Variants in CADM1 observed in about 807,000 individuals in gnomAD.
CADM1 encodes cell adhesion molecule 1.
CADM1 carries 15 observed loss-of-function variants against 53.1 expected under a neutral mutation model. The ratio of observed to expected loss-of-function variants is 0.28; its 90% CI spans 0.19 to 0.44. The LOEUF (loss-of-function observed/expected upper bound fraction) is 0.44. Among genes scored for constraint, CADM1 ranks in the 20% least tolerant of loss-of-function variants. CADM1 has a pLI of 1.00. For synonymous variants in CADM1, 281 were observed against 243.0 expected (o/e 1.16, Z -1.45); for missense variants, 434 against 611.3 (o/e 0.71, Z 3.06).
At chr11:115,346,026 T>C (rs1361433047) in intron 1 of CADM1, among the ~76,000 whole-genome samples, 9 of 152,184 alleles carry the variant, frequency 5.9e-5, no homozygotes, top group African/African-American at 2.2e-4. Flanking sequence ...CTGTTGATCA[T>C]CTCTACTGAA....
At chr11:115,350,446 C>T (rs1019695214) in intron 1 of CADM1, among the ~76,000 whole-genome samples, 1 of 151,268 alleles carries the variant, frequency 6.6e-6, no homozygotes, top group African/African-American at 2.4e-5. Context: ...AGAGGAGGTG[C>T]CCTGTAGAAA....
At chr11:115,425,134 C>A (rs936706432) in intron 1 of CADM1, among the ~76,000 whole-genome samples, 7 of 152,154 alleles carry the variant, frequency 4.6e-5, no homozygotes, top group Admixed American at 1.3e-4. Context: ...CGATAAATGG[C>A]TCCCTGAATG....
chr11:115,313,671 G>A (rs370325856), intron 1 of CADM1, among the ~76,000 whole-genome samples: 3 of 152,104 alleles, frequency 2.0e-5, no homozygotes, highest in South Asian at 2.1e-4. Flanking sequence ...GCATTTCCTG[G>A]TCTTCCCTGA....
intron 1 of CADM1, among the ~76,000 whole-genome samples, chr11:115,486,380 T>A (rs1949373136): frequency 6.6e-6 from 1 of 152,240 alleles, no homozygotes; most frequent in Non-Finnish European, 1.5e-5. Context: ...GAGACAGGTC[T>A]CACTCTGTTG....
At chr11:115,392,126 G>A (rs892146549) in intron 1 of CADM1, among the ~76,000 whole-genome samples, 3 of 151,928 alleles carry the variant, frequency 2.0e-5, no homozygotes, top group Admixed American at 6.6e-5. Context: ...AGTACTCCTA[G>A]TCCTTCTTAC....
intron 1 of CADM1, among the ~76,000 whole-genome samples, chr11:115,502,612 C>G (rs771282733): frequency 6.6e-6 from 1 of 151,960 alleles, no homozygotes; most frequent in African/African-American, 2.4e-5. Flanking sequence ...AAACAACATC[C>G]GGAGACAGTG....
intron 1 of CADM1, among the ~76,000 whole-genome samples, chr11:115,502,893 C>G (rs1591313009): frequency 6.6e-6 from 1 of 152,228 alleles, no homozygotes; most frequent in Non-Finnish European, 1.5e-5. Flanking sequence ...GTGGCCCCAA[C>G]GCTGTGCCCG....
At chr11:115,310,442 A>AC (rs951796499) in intron 1 of CADM1, among the ~76,000 whole-genome samples, 59 of 152,158 alleles carry the variant, frequency 3.9e-4, no homozygotes, top group African/African-American at 1.4e-3. Context: ...ATCTAGCAGC[A>AC]CCCCCCAACT....
chr11:115,286,733 C>G (rs1943738683), intron 1 of CADM1, among the ~76,000 whole-genome samples: 1 of 152,144 alleles, frequency 6.6e-6, no homozygotes, highest in East Asian at 1.9e-4. Flanking sequence ...TACCTCTCCC[C>G]CCAGTTAAGG....
At chr11:115,410,137 T>C (rs1947423776) in intron 1 of CADM1, among the ~76,000 whole-genome samples, 1 of 152,250 alleles carries the variant, frequency 6.6e-6, no homozygotes, top group South Asian at 2.1e-4. Context: ...TACAACATGC[T>C]GCACAATGTT....
intron 10 of CADM1, among the ~76,000 whole-genome samples, chr11:115,181,261 T>G (rs67067611): frequency 0.16 from 23,691 of 152,014 alleles, 1,969 homozygotes; most frequent in East Asian, 0.3. Context: ...TATATGTATC[T>G]GTGAGATTAA....
chr11:115,280,078 T>G (rs1231775213), intron 1 of CADM1, among the ~76,000 whole-genome samples: 1 of 152,206 alleles, frequency 6.6e-6, no homozygotes, highest in Non-Finnish European at 1.5e-5. Context: ...AGTAAGACAT[T>G]TGCTATCCAG....
chr11:115,177,497 A>T (rs1939090935), intron 11 of CADM1, among the ~76,000 whole-genome samples: 1 of 152,164 alleles, frequency 6.6e-6, no homozygotes, highest in African/African-American at 2.4e-5. Flanking sequence ...AAAAAGGTTG[A>T]GACATTTGCT....
At chr11:115,418,402 G>A (rs1468444089) in intron 1 of CADM1, among the ~76,000 whole-genome samples, 3 of 152,088 alleles carry the variant, frequency 2.0e-5, no homozygotes, top group Admixed American at 2.0e-4. Flanking sequence ...TATAGTACAT[G>A]AGAACTGAGA....
intron 1 of CADM1, among the ~76,000 whole-genome samples, chr11:115,338,084 C>A (rs920647508): frequency 6.6e-6 from 1 of 152,080 alleles, no homozygotes; most frequent in Admixed American, 6.6e-5. Flanking sequence ...AGAAAGTTCA[C>A]ACTTCTACAA....
At chr11:115,305,355 A>G (rs1944337224) in intron 1 of CADM1, among the ~76,000 whole-genome samples, 2 of 151,984 alleles carry the variant, frequency 1.3e-5, no homozygotes, top group African/African-American at 2.4e-5. Context: ...ATCAGAAAGC[A>G]CTTTCCTCTC....
chr11:115,206,791 A>C (rs202016839), intron 8 of CADM1, among the ~76,000 whole-genome samples: 1 of 6,244 alleles, frequency 1.6e-4, no homozygotes, highest in Non-Finnish European at 3.6e-4. Context: ...TTTTTTTTTA[A>C]GCTCAGGCTT....
chr11:115,240,563 T>C (rs1484823116), intron 1 of CADM1, 143 bp from the exon 2 acceptor site: 1 of 850,622 alleles, frequency 1.2e-6, no homozygotes, highest in Non-Finnish European at 1.9e-6. Context: ...CCTTTCTTTG[T>C]AGTCTACAAA....
intron 1 of CADM1, among the ~76,000 whole-genome samples, chr11:115,324,586 G>A (rs1304390371): frequency 6.6e-6 from 1 of 152,172 alleles, no homozygotes; most frequent in Non-Finnish European, 1.5e-5. Context: ...CAAACAGCTA[G>A]TGCAGATAGA....
Sources: allele counts gnomAD v4.1 joint callset (sites outside exome capture counted in the v4.1 genomes callset), GRCh38; gene constraint gnomAD v4.1.1; transcripts MANE v1.5; gene names NCBI Gene and HGNC (gene_info 2026-07-23, HGNC 2026-07-21).